The following CARMIL1 variants were observed in gnomAD, a reference collection of about 807,000 sequenced individuals.
CARMIL1 encodes the protein F-actin-uncapping protein LRRC16A.
A neutral mutation model predicts 177.1 loss-of-function variants in CARMIL1; 90 were observed. The ratio of observed to expected loss-of-function variants is 0.51; its 90% CI spans 0.43 to 0.61. CARMIL1 has a LOEUF of 0.61. CARMIL1 is among the 20% of genes least tolerant of loss of function. CARMIL1 has a pLI of 0.00. For synonymous variants in CARMIL1, 577 were observed against 606.2 expected (o/e 0.95, Z 0.71); for missense variants, 1,380 against 1,667.0 (o/e 0.83, Z 3.00).
chr6:25,331,423 G>T (rs1785616494), intron 2 of CARMIL1, among the ~76,000 whole-genome samples: 1 of 152,150 alleles, frequency 6.6e-6, no homozygotes, highest in Non-Finnish European at 1.5e-5. Context: ...TTTAGTTCAG[G>T]CTGTCATCGC....
chr6:25,460,731 C>T (rs1800049773), intron 8 of CARMIL1, among the ~76,000 whole-genome samples: 1 of 152,122 alleles, frequency 6.6e-6, no homozygotes, highest in African/African-American at 2.4e-5. Flanking sequence ...ATGAACATTC[C>T]ATAATTTATC....
At chr6:25,466,718 A>G (rs1310039491) in intron 9 of CARMIL1, among the ~76,000 whole-genome samples, 1 of 152,152 alleles carries the variant, frequency 6.6e-6, no homozygotes, top group African/African-American at 2.4e-5. Flanking sequence ...GTGGATCTGT[A>G]GGACATGGAG....
chr6:25,286,866 A>C (rs1554150246), intron 2 of CARMIL1, among the ~76,000 whole-genome samples: 1 of 152,254 alleles, frequency 6.6e-6, no homozygotes, highest in Non-Finnish European at 1.5e-5. Flanking sequence ...GCTTATGATT[A>C]GTACTTAATT....
chr6:25,446,084 A>T (rs557383001), intron 5 of CARMIL1, among the ~76,000 whole-genome samples: 1 of 152,142 alleles, frequency 6.6e-6, no homozygotes, highest in Non-Finnish European at 1.5e-5. Flanking sequence ...TCTATTGTGG[A>T]GTGCAAGCAG....
chr6:25,471,042 C>T lies in CARMIL1; in HGVS notation c.691-127C>T, dbSNP rs909983396. On this transcript the variant is annotated intron_variant, in intron 9 of 36. Coordinates refer to ENST00000329474, the MANE Select transcript of CARMIL1 (RefSeq NM_017640.6). ...TCACGATGGTGCGTAGTAGTAGATG[C>T]TCATTCAAGGTTTATTGAATGAGTG... 40 of 549,414 alleles carry T rather than the reference C, an allele frequency of 7.3e-5. 1 individual carries two copies. In the South Asian group the frequency reaches 1.0e-3, roughly 14 times the overall value. The allele number at this position is 549,414 out of a possible 1,614,324, so 34.0% of individuals were successfully genotyped here.
intron 3 of CARMIL1, among the ~76,000 whole-genome samples, 187 bp from the exon 4 acceptor site, chr6:25,426,314 A>G (rs753915516): frequency 2.0e-5 from 3 of 151,664 alleles, no homozygotes; most frequent in African/African-American, 4.8e-5. Context: ...TTGATAAATC[A>G]TGTTTCTATC....
intron 31 of CARMIL1, among the ~76,000 whole-genome samples, chr6:25,586,747 G>A (rs986377125): frequency 1.3e-5 from 2 of 152,120 alleles, no homozygotes; most frequent in African/African-American, 4.8e-5. Context: ...GCGGTCAGGA[G>A]CTGGAGACCA....
At chr6:25,528,759 A>G in intron 23 of CARMIL1, 36 bp from the exon 24 acceptor site, 1 of 1,429,802 alleles carries the variant, frequency 7.0e-7, no homozygotes, top group African/African-American at 1.4e-5. Context: ...CTGGGTTGAA[A>G]TGTATTCTTG....
chr6:25,584,908 C>A (rs1289502709), intron 31 of CARMIL1, among the ~76,000 whole-genome samples: 1 of 152,180 alleles, frequency 6.6e-6, no homozygotes. Context: ...TCAATCTGTT[C>A]TAGAGAGATT....
chr6:25,532,024 G>A (rs1807809546), intron 24 of CARMIL1, among the ~76,000 whole-genome samples: 1 of 151,528 alleles, frequency 6.6e-6, no homozygotes. Context: ...ACCCACCTTG[G>A]CCTTCCAAAG....
rs1275333797 is a variant in CARMIL1 at position 25,577,524 on chromosome 6, A to G, written c.2743-3400A>G. Among the ~76,000 whole-genome samples the G allele has an allele frequency of 6.6e-6, 1 of 151,194 alleles. No individual in the cohort carries two copies. Among genetic ancestry groups the G allele is most frequent in the Non-Finnish European group, 1.5e-5 (1 of 67,862 alleles). The stretch of plus-strand genomic sequence containing the variant: ...TTCTTGAACTTGGAGTGAGAGTGTT[A>G]TTTATTATTCTTTGAGCAAATGTGG... On this transcript the variant is annotated intron_variant, in intron 29 of 36. Coordinates refer to ENST00000329474, the MANE Select transcript of CARMIL1 (RefSeq NM_017640.6). This position sits in a 1 kb window ranked among gnomAD's most constrained non-coding sequence, Gnocchi z 4.5.
At chr6:25,469,179 A>C (rs917321975) in intron 9 of CARMIL1, among the ~76,000 whole-genome samples, 1 of 152,210 alleles carries the variant, frequency 6.6e-6, no homozygotes, top group African/African-American at 2.4e-5. Flanking sequence ...ACCCAGCAAT[A>C]GTGTAAAAGT....
chr6:25,422,176 G>A (rs1375553388), intron 3 of CARMIL1, among the ~76,000 whole-genome samples: 1 of 152,144 alleles, frequency 6.6e-6, no homozygotes. Flanking sequence ...TCCCCTACCT[G>A]CATATCCAGG....
intron 8 of CARMIL1, chr6:25,451,963 T>C (rs1581998180): frequency 2.1e-6 from 1 of 476,406 alleles, no homozygotes; most frequent in Non-Finnish European, 4.0e-6. Flanking sequence ...GTTGCCCATA[T>C]GTCATCTCAT....
rs145846760 is a variant in CARMIL1, at chr6:25,524,331, T to C, written c.1968+3994T>C. 3.9e-3 allele frequency among the ~76,000 whole-genome samples: 593 copies of C among 152,072 alleles called. 5 individuals carry two copies. The highest frequency in any genetic ancestry group is 4.2e-3 in the Non-Finnish European group (283 of 67,984). On this transcript the variant is annotated intron_variant, in intron 23 of 36. Transcript: ENST00000329474. ...CACCTTATCACCATGTCAAGTAAAA[T>C]AACAGTGGATTACAACTGAGCAAAC... is the stretch of plus-strand genomic sequence containing the variant.
chr6:25,337,106 T>C (rs530145891), intron 2 of CARMIL1, among the ~76,000 whole-genome samples: 14 of 152,256 alleles, frequency 9.2e-5, no homozygotes, highest in Non-Finnish European at 1.6e-4. Flanking sequence ...GTCATGAGGC[T>C]TAAGGAAACT....
chr6:25,450,130 A>T, intron 6 of CARMIL1, 135 bp downstream of exon 6: 1 of 792,858 alleles, frequency 1.3e-6, no homozygotes, highest in Non-Finnish European at 2.0e-6. Flanking sequence ...CACAGACTTT[A>T]GATTGGTGGA....
In CARMIL1 at chr6:25,577,208, C is replaced by A; in HGVS notation, c.2743-3716C>A. On this transcript the variant is annotated intron_variant, in intron 29 of 36. Transcript: ENST00000329474. The surrounding 1 kb of genome is among the most constrained non-coding windows in gnomAD (Gnocchi z 4.5). ...ACAGGCGATGAATTTAAAATATCTC[C>A]AGCCATGTGCCTGAAAGCAAGCAGA... 1 of 780,034 alleles carries A rather than the reference C, an allele frequency of 1.3e-6. No individual in the cohort carries two copies. Among genetic ancestry groups the A allele is most frequent in the Non-Finnish European group, 1.6e-6 (1 of 642,520 alleles). The allele number at this position is 780,034 out of a possible 1,614,324, so 48.3% of individuals were successfully genotyped here. A position where few individuals can be genotyped will look rare whatever the true frequency, so the allele number is the denominator to read the frequency against.
intron 5 of CARMIL1, among the ~76,000 whole-genome samples, chr6:25,439,303 G>A (rs1797515891): frequency 6.6e-6 from 1 of 152,174 alleles, no homozygotes; most frequent in Non-Finnish European, 1.5e-5. Context: ...AGGCTATCAG[G>A]TAGGCAGATT....
Sources: allele counts gnomAD v4.1 joint callset (sites outside exome capture counted in the v4.1 genomes callset), GRCh38; gene constraint gnomAD v4.1.1; non-coding constraint Gnocchi (gnomAD v3.1); transcripts MANE v1.5; gene names NCBI Gene and HGNC (gene_info 2026-07-23, HGNC 2026-07-21).